TENM2: variants seen among roughly 807,000 people sequenced by gnomAD.
TENM2 encodes the protein teneurin transmembrane protein 2, also known as teneurin-2.
In TENM2, 52 loss-of-function variants were observed where a neutral mutation model predicts 245.2. The observed-to-expected ratio is 0.21, with a 90% confidence interval of 0.17 to 0.27. TENM2 has a LOEUF of 0.27. TENM2 is among the 10% of genes least tolerant of loss of function. TENM2 has a pLI of 1.00. For synonymous variants in TENM2, 1,363 were observed against 1,438.9 expected (o/e 0.95, Z 1.19); for missense variants, 3,046 against 3,666.8 (o/e 0.83, Z 4.37).
chr5:168,047,433 A>G lies in TENM2; in HGVS notation c.1193A>G (p.His398Arg), dbSNP rs1302818829. ...TACTTTGTCTCTCCTGCAGCAATGC[A>G]TCTGCTCGGACTCAATTGGCAACTC... The change falls in exon 6 of 29, where the codon CAT (histidine) becomes CGT (arginine). Residue 398 changes from histidine (H) to arginine (R), a missense_variant. His to Arg is a conservative substitution (Grantham distance 29). Coordinates refer to ENST00000518659, the Ensembl canonical transcript of TENM2. 5.8e-6 allele frequency: 9 copies of G among 1,551,588 alleles called. No homozygotes were observed. In the Admixed American group the frequency reaches 1.2e-4, roughly 20 times the overall value.
At chr5:167,898,634 T>C (rs556486764) in intron 3 of TENM2, among the ~76,000 whole-genome samples, 13 of 152,298 alleles carry the variant, frequency 8.5e-5, no homozygotes, top group African/African-American at 3.1e-4. Context: ...GATGTACAGA[T>C]ATTTAGTTGA....
At chr5:167,712,486 A>T (rs1193634998) in intron 2 of TENM2, among the ~76,000 whole-genome samples, 1 of 152,204 alleles carries the variant, frequency 6.6e-6, no homozygotes, top group Admixed American at 6.5e-5. Context: ...TAGCTGTCTA[A>T]CTTGGTCATT....
intron 2 of TENM2, among the ~76,000 whole-genome samples, chr5:167,731,553 T>A (rs1285212679): frequency 2.7e-5 from 4 of 150,386 alleles, no homozygotes; most frequent in Admixed American, 2.6e-4. Flanking sequence ...TAGTTTTCTT[T>A]GTAACAAAAG....
chr5:168,175,431 C>T (rs1759269260), intron 13 of TENM2, among the ~76,000 whole-genome samples: 1 of 152,190 alleles, frequency 6.6e-6, no homozygotes, highest in African/African-American at 2.4e-5. Context: ...GCTGTCTTCC[C>T]TCAGAGGTCA....
the TENM2 span, among the ~76,000 whole-genome samples, chr5:167,186,991 ATAAC>A: frequency 6.6e-6 from 1 of 152,196 alleles, no homozygotes; most frequent in South Asian, 2.1e-4. Flanking sequence ...TGTGATGTGA[ATAAC>A]TAACTTCTCC....
chr5:167,890,149 G>GCAAAA (rs1774628588), intron 3 of TENM2, among the ~76,000 whole-genome samples: 1 of 152,010 alleles, frequency 6.6e-6, no homozygotes. Context: ...TGTAGTGTTG[G>GCAAAA]GAGGCTTTGA....
intron 2 of TENM2, among the ~76,000 whole-genome samples, chr5:167,381,034 C>T (rs757754687): frequency 1.4e-4 from 22 of 152,012 alleles, no homozygotes; most frequent in Non-Finnish European, 2.5e-4. Context: ...AAGTTTTCTA[C>T]AGACAATTGA....
exon 6 of TENM2, chr5:168,047,478 C>T: frequency 6.4e-7 from 1 of 1,551,698 alleles, no homozygotes; most frequent in Non-Finnish European, 8.7e-7. Flanking sequence ...GATGGGCACA[C>T]CTTTAACAAT....
chr5:167,983,737 T>C (rs1783021978), intron 4 of TENM2, among the ~76,000 whole-genome samples: 1 of 152,334 alleles, frequency 6.6e-6, no homozygotes, highest in Admixed American at 6.5e-5. Flanking sequence ...AATTCACTTC[T>C]CAACCTAAGC....
At chr5:167,490,686 TAAATATTTGAGTTA>T (rs1768374521) in intron 2 of TENM2, among the ~76,000 whole-genome samples, 1 of 152,160 alleles carries the variant, frequency 6.6e-6, no homozygotes, top group African/African-American at 2.4e-5. Context: ...TGCATTATCA[TAAATATTTGAGTTA>T]ACATTGATAT....
At chr5:168,122,739 C>T (rs1214177081) in intron 10 of TENM2, among the ~76,000 whole-genome samples, 1 of 152,066 alleles carries the variant, frequency 6.6e-6, no homozygotes, top group Non-Finnish European at 1.5e-5. Context: ...ACTGTTTTTT[C>T]CCCATGCCTG....
At chr5:167,991,911 C>G (rs1783697951) in intron 4 of TENM2, among the ~76,000 whole-genome samples, 1 of 152,144 alleles carries the variant, frequency 6.6e-6, no homozygotes, top group Admixed American at 6.5e-5. Flanking sequence ...AGGCTAATAT[C>G]TCCAATCTAA....
At chr5:167,788,103 A>G (rs945521756) in intron 2 of TENM2, among the ~76,000 whole-genome samples, 2 of 152,182 alleles carry the variant, frequency 1.3e-5, no homozygotes, top group African/African-American at 2.4e-5. Flanking sequence ...TATTTACTAC[A>G]CTATTTGAGA....
chr5:167,776,824 C>T (rs769333741), intron 2 of TENM2, among the ~76,000 whole-genome samples: 7 of 151,874 alleles, frequency 4.6e-5, no homozygotes, highest in Admixed American at 2.6e-4. Context: ...AAAAGGCTTA[C>T]AAAGAAGTCT....
intron 2 of TENM2, among the ~76,000 whole-genome samples, chr5:167,674,069 A>G (rs533572566): frequency 4.3e-4 from 65 of 152,260 alleles, no homozygotes; most frequent in African/African-American, 1.4e-3. Flanking sequence ...TGAAAAAGCT[A>G]ACTTATTGCT....
At chr5:167,570,181 T>C (rs1774176366) in intron 2 of TENM2, among the ~76,000 whole-genome samples, 1 of 152,164 alleles carries the variant, frequency 6.6e-6, no homozygotes, top group Non-Finnish European at 1.5e-5. Context: ...AACCAGTGTT[T>C]ACATGGATAG....
At chr5:167,108,113 TGTGA>T in the TENM2 span, among the ~76,000 whole-genome samples, 2 of 152,176 alleles carry the variant, frequency 1.3e-5, no homozygotes, top group African/African-American at 2.4e-5. Flanking sequence ...CTTACTTGAC[TGTGA>T]GTATTTTGTT....
At chr5:167,298,124 G>A (rs544270132) in intron 1 of TENM2, among the ~76,000 whole-genome samples, 9 of 152,236 alleles carry the variant, frequency 5.9e-5, no homozygotes, top group Non-Finnish European at 1.3e-4. Context: ...GTGGGATGGA[G>A]AGATAATGGG....
At chr5:167,329,412 C>T (rs1186402613) in intron 1 of TENM2, among the ~76,000 whole-genome samples, 1 of 149,386 alleles carries the variant, frequency 6.7e-6, no homozygotes, top group East Asian at 2.0e-4. Flanking sequence ...AATAGCCTGG[C>T]GTGGTGGCAG....
Sources: allele counts gnomAD v4.1 joint callset (sites outside exome capture counted in the v4.1 genomes callset), GRCh38; gene constraint gnomAD v4.1.1; transcripts MANE v1.5; gene names NCBI Gene and HGNC (gene_info 2026-07-23, HGNC 2026-07-21).